The following SLC24A2 variants were observed in gnomAD, a reference collection of about 807,000 sequenced individuals.
SLC24A2 encodes sodium/potassium/calcium exchanger 2.
A neutral mutation model predicts 62.0 loss-of-function variants in SLC24A2; 36 were observed. The observed-to-expected ratio is 0.58, with a 90% CI of 0.44 to 0.77. The LOEUF (loss-of-function observed/expected upper bound fraction) is 0.77. Ranked by LOEUF, SLC24A2 falls within the 30% of genes least tolerant of loss-of-function variation. The probability of loss-of-function intolerance (pLI) is 0.00; values close to 1 mark genes in which losing one functional copy is unlikely to be tolerated. For synonymous variants in SLC24A2, 358 were observed against 294.0 expected (o/e 1.22, Z -2.23); for missense variants, 846 against 817.9 (o/e 1.03, Z -0.42).
At chr9:19,569,309 T>C (rs1172354495) in intron 7 of SLC24A2, among the ~76,000 whole-genome samples, 1 of 152,240 alleles carries the variant, frequency 6.6e-6, no homozygotes, top group Admixed American at 6.5e-5. Context: ...GTGCCAATCC[T>C]GGAACCACAG....
At chr9:20,289,308 T>C in the SLC24A2 span, among the ~76,000 whole-genome samples, 1 of 152,204 alleles carries the variant, frequency 6.6e-6, no homozygotes, top group Non-Finnish European at 1.5e-5. Flanking sequence ...ACTCTTTCAT[T>C]TCACCAATAA....
the SLC24A2 span, among the ~76,000 whole-genome samples, chr9:20,231,983 T>C: frequency 1.4e-4 from 21 of 152,334 alleles, no homozygotes; most frequent in Non-Finnish European, 2.2e-4. Flanking sequence ...TCTGCATCTA[T>C]TGAGATAATC....
At chr9:20,234,880 A>G in the SLC24A2 span, among the ~76,000 whole-genome samples, 1 of 151,958 alleles carries the variant, frequency 6.6e-6, no homozygotes, top group African/African-American at 2.4e-5. Flanking sequence ...GTCTTTGATG[A>G]TGGTGACGTA....
At chr9:20,106,471 C>A in the SLC24A2 span, among the ~76,000 whole-genome samples, 1 of 152,172 alleles carries the variant, frequency 6.6e-6, no homozygotes, top group African/African-American at 2.4e-5. Context: ...CAAACCGAAT[C>A]CAGCAGCACA....
chr9:20,200,073 A>G, the SLC24A2 span, among the ~76,000 whole-genome samples: 1 of 151,920 alleles, frequency 6.6e-6, no homozygotes, highest in South Asian at 2.1e-4. Context: ...TCCTTCAAAT[A>G]AGAAACAAAA....
chr9:20,071,062 T>C, the SLC24A2 span, among the ~76,000 whole-genome samples: 1 of 152,204 alleles, frequency 6.6e-6, no homozygotes. Context: ...TTCTCTCTCT[T>C]CTTCCTCTTT....
At chr9:20,030,242 A>G in the SLC24A2 span, among the ~76,000 whole-genome samples, 1 of 152,202 alleles carries the variant, frequency 6.6e-6, no homozygotes, top group Non-Finnish European at 1.5e-5. Context: ...AAATTGTTCT[A>G]TCACATTTGA....
At chr9:19,902,569 G>C in the SLC24A2 span, among the ~76,000 whole-genome samples, 1 of 152,094 alleles carries the variant, frequency 6.6e-6, no homozygotes, top group Non-Finnish European at 1.5e-5. Context: ...GTTAAGTTTA[G>C]GTCCACAGGA....
the SLC24A2 span, among the ~76,000 whole-genome samples, chr9:20,097,373 T>C: frequency 6.6e-6 from 1 of 152,208 alleles, no homozygotes; most frequent in Admixed American, 6.5e-5. Flanking sequence ...CACCAGACAG[T>C]GGCATTGAGT....
At chr9:20,187,737 G>A in the SLC24A2 span, among the ~76,000 whole-genome samples, 2 of 152,064 alleles carry the variant, frequency 1.3e-5, no homozygotes, top group African/African-American at 2.4e-5. Context: ...TTGCACCCAC[G>A]ACATCTGAGC....
chr9:19,622,368 T>C, intron 2 of SLC24A2, 69 bp from the exon 3 acceptor site: 1 of 1,452,904 alleles, frequency 6.9e-7, no homozygotes, highest in Non-Finnish European at 9.6e-7. Flanking sequence ...ATATGGCATT[T>C]ACATTTAATA....
chr9:19,602,563 C>T (rs769270145), intron 4 of SLC24A2, among the ~76,000 whole-genome samples: 48 of 152,096 alleles, frequency 3.2e-4, no homozygotes, highest in Non-Finnish European at 6.2e-4. Context: ...AAAGAATGTA[C>T]AACTCAGAGA....
chr9:19,599,851 G>A lies in SLC24A2; in HGVS notation c.1079-2572C>T, dbSNP rs975896265. On this transcript the variant is annotated intron_variant, in intron 4 of 10. Coordinates refer to ENST00000341998, the MANE Select transcript of SLC24A2 (RefSeq NM_020344.4). This position sits in a 1 kb window ranked among gnomAD's most constrained non-coding sequence, Gnocchi z 4.5. Reference sequence around the variant, plus strand: ...AGACCTAGTCTTGCTGAGAGGACCCGGGAGGCGCTCACCGGCATAGGAATG... The same window carrying A: ...AGACCTAGTCTTGCTGAGAGGACCCAGGAGGCGCTCACCGGCATAGGAATG... 2.0e-5 allele frequency among the ~76,000 whole-genome samples: 3 copies of A among 152,066 alleles called. No individual in the cohort carries two copies. Among genetic ancestry groups the A allele is most frequent in the African/African-American group, 7.2e-5 (3 of 41,414 alleles).
At chr9:20,226,399 G>A in the SLC24A2 span, among the ~76,000 whole-genome samples, 2 of 152,100 alleles carry the variant, frequency 1.3e-5, no homozygotes, top group South Asian at 2.1e-4. Flanking sequence ...GACCATAGTT[G>A]TCCATTAACT....
At chr9:20,241,087 A>C in the SLC24A2 span, among the ~76,000 whole-genome samples, 3 of 152,344 alleles carry the variant, frequency 2.0e-5, no homozygotes, top group Middle Eastern at 6.8e-3. Flanking sequence ...TGTGATATGA[A>C]ATAATACAAG....
intron 5 of SLC24A2, among the ~76,000 whole-genome samples, chr9:19,592,271 T>C (rs1836574990): frequency 6.6e-6 from 1 of 152,222 alleles, no homozygotes; most frequent in Non-Finnish European, 1.5e-5. Context: ...GAAAAGGTCT[T>C]TATAATTTTT....
At chr9:20,058,400 C>A in the SLC24A2 span, among the ~76,000 whole-genome samples, 1 of 151,652 alleles carries the variant, frequency 6.6e-6, no homozygotes, top group Non-Finnish European at 1.5e-5. Flanking sequence ...AGGAATAAAC[C>A]CATAACTATT....
At chr9:19,754,584 T>C (rs1299049145) in intron 2 of SLC24A2, among the ~76,000 whole-genome samples, 1 of 152,118 alleles carries the variant, frequency 6.6e-6, no homozygotes, top group Non-Finnish European at 1.5e-5. Context: ...AAGCTGGATT[T>C]AGAAGGTGAA....
chr9:20,011,179 T>C, the SLC24A2 span, among the ~76,000 whole-genome samples: 5 of 152,168 alleles, frequency 3.3e-5, no homozygotes, highest in Non-Finnish European at 5.9e-5. Flanking sequence ...CTTGAGAAAT[T>C]GCCACACTGT....
Sources: gnomAD v4.1 joint callset for allele counts (sites outside exome capture counted in the v4.1 genomes callset) on GRCh38, gnomAD v4.1.1 for gene constraint, Gnocchi (gnomAD v3.1) non-coding constraint, MANE v1.5 for transcripts, NCBI Gene and HGNC (gene_info 2026-07-23, HGNC 2026-07-21) for gene names.